The following VANGL1 variants were observed in gnomAD, a reference collection of about 807,000 sequenced individuals.
VANGL1 encodes vang-like protein 1.
In VANGL1, 18 loss-of-function variants were observed where a neutral mutation model predicts 48.4. That is an observed-to-expected ratio of 0.37 (90% CI 0.26 to 0.55). VANGL1 has a LOEUF of 0.55. VANGL1 is among the 20% of genes least tolerant of loss of function. VANGL1 has a pLI of 0.81. For synonymous variants in VANGL1, 257 were observed against 261.8 expected, an observed-to-expected ratio of 0.98 and a Z score of 0.18; for missense variants, 667 against 675.8, an observed-to-expected ratio of 0.99 and a Z score of 0.14.
At position 115,663,997 on chromosome 1, in the gene VANGL1, C is replaced by T. The variant is rs773796812; in HGVS notation, c.541C>T (p.Arg181Trp). 16 of 1,614,068 alleles carry T rather than the reference C, an allele frequency of 9.9e-6. No individual in the cohort carries two copies. In the African/African-American group the frequency reaches 1.5e-4, roughly 15 times the overall value. ...FFRKRRADMPRVFVFRALLLV... is the reference protein window; with the variant it reads ...FFRKRRADMPWVFVFRALLLV... Reference sequence around the variant, plus strand: ...CCGCAAGCGGAGAGCTGACATGCCACGGGTGTTTGTGTTTCGTGCCCTTTT... The same window carrying T: ...CCGCAAGCGGAGAGCTGACATGCCATGGGTGTTTGTGTTTCGTGCCCTTTT... Residue 181 changes from arginine to tryptophan, a missense_variant, in exon 4 of 8, where the codon CGG (arginine) becomes TGG (tryptophan). Physicochemically the swap from Arg to Trp is moderately radical, Grantham distance 101 (BLOSUM62 -3). Coordinates refer to ENST00000355485, the MANE Select transcript of VANGL1 (RefSeq NM_138959.3).
chr1:115,691,234 A>C lies in VANGL1; in HGVS notation c.1430A>C (p.Asp477Ala), dbSNP rs934620889. The C allele has an allele frequency of 1.2e-6, 2 of 1,614,110 alleles. No homozygotes were observed. Residue 477 changes from aspartate (D) to alanine (A), a missense_variant, in exon 8 of 8, where the codon GAT (aspartate) becomes GCT (alanine). Coordinates refer to ENST00000355485, the MANE Select transcript of VANGL1 (RefSeq NM_138959.3). ...SDEAVTNGLR[D>A]GIVFVLKCLD... The stretch of plus-strand genomic sequence containing the variant: ...GAGGCTGTGACTAATGGATTACGGG[A>C]TGGAATTGTGTTCGTCCTTAAGTGC...
chr1:115,651,019 C>T (rs1007931371), intron 1 of VANGL1, among the ~76,000 whole-genome samples: 8 of 152,014 alleles, frequency 5.3e-5, no homozygotes, highest in Non-Finnish European at 1.0e-4. Flanking sequence ...ATCCTGAGGA[C>T]GTGGACAAGT....
At chr1:115,659,417 C>G (rs1652461977) in intron 2 of VANGL1, among the ~76,000 whole-genome samples, 2 of 151,528 alleles carry the variant, frequency 1.3e-5, no homozygotes, top group Admixed American at 1.3e-4. Flanking sequence ...TGTTTTGGGT[C>G]TTGGGATGGC....
rs1030776670 is a variant in VANGL1 at position 115,692,332 on chromosome 1, G to C, written c.*953G>C. 2.0e-5 allele frequency: 3 copies of C among 152,712 alleles called. No individual in the cohort carries two copies. Among genetic ancestry groups the C allele is most frequent in the African/African-American group, 7.2e-5 (3 of 41,440 alleles). 9.5% of individuals were successfully genotyped at this position (152,712 alleles called of 1,614,324 possible). A position where few individuals can be genotyped will look rare whatever the true frequency, so the allele number is the denominator to read the frequency against. Reference sequence around the variant, plus strand: ...AGACTAACACTGTGACTCTGGGATTGGCAGGTGCAACTTGGAGCCACTTAA... The same window carrying C: ...AGACTAACACTGTGACTCTGGGATTCGCAGGTGCAACTTGGAGCCACTTAA... On this transcript the variant is annotated 3_prime_UTR_variant, in exon 8 of 8. Transcript: ENST00000355485.
In VANGL1 at chr1:115,691,560, C is replaced by A; in HGVS notation, c.*181C>A. On this transcript the variant is annotated 3_prime_UTR_variant, in exon 8 of 8. Coordinates refer to ENST00000355485, the MANE Select transcript of VANGL1 (RefSeq NM_138959.3). ...TTGGAAGGAAGCAGGGGCTGTCCACCCTGAAAAAGAGTGACTGATGACATC... is the reference window on the plus strand; with the variant it reads ...TTGGAAGGAAGCAGGGGCTGTCCACACTGAAAAAGAGTGACTGATGACATC... The A allele has an allele frequency of 1.5e-6, 1 of 671,506 alleles. No homozygotes were observed. The highest frequency in any genetic ancestry group is 2.4e-6 in the Non-Finnish European group (1 of 421,848). 41.6% of individuals were successfully genotyped at this position (671,506 alleles called of 1,614,324 possible). A position where few individuals can be genotyped will look rare whatever the true frequency, so the allele number is the denominator to read the frequency against.
chr1:115,685,344 T>C lies in VANGL1; in HGVS notation c.1131T>C (p.Ala377=). 2 of 1,614,166 alleles carry C rather than the reference T, an allele frequency of 1.2e-6. No homozygotes were observed. Among genetic ancestry groups the C allele is most frequent in the Non-Finnish European group, 1.7e-6 (2 of 1,180,008 alleles). Reference sequence around the variant, plus strand: ...TCATCCACATTCAGCGTCTCCAGGCTGAGGAGCAGCAGAAAGCCCCAGGGG... The same window carrying C: ...TCATCCACATTCAGCGTCTCCAGGCCGAGGAGCAGCAGAAAGCCCCAGGGG... The part of the protein sequence containing the change: ...EAFIHIQRLQ[A]EEQQKAPGEV... The change falls in exon 7 of 8, where the codon GCT becomes GCC. Residue 377 remains alanine, a synonymous_variant. Transcript: ENST00000355485.
intron 4 of VANGL1, among the ~76,000 whole-genome samples, chr1:115,678,344 G>C (rs987761877): frequency 1.3e-5 from 2 of 152,194 alleles, no homozygotes; most frequent in Non-Finnish European, 2.9e-5. Context: ...TGCTGGGCAC[G>C]GACAGTGGCG....
Position 115,651,260 on chromosome 1 carries a change from T to C in VANGL1, c.-137-17T>C. Reference sequence around the variant, plus strand: ...GCTCTGAAGATTAATGTCTTTTTTTTTCCCCCTCTTTCCCAGAATTTGTTC... The same window carrying C: ...GCTCTGAAGATTAATGTCTTTTTTTCTCCCCCTCTTTCCCAGAATTTGTTC... On this transcript the variant is annotated splice_polypyrimidine_tract_variant and intron_variant, in intron 1 of 7. Coordinates refer to ENST00000355485, the MANE Select transcript of VANGL1 (RefSeq NM_138959.3). The C allele has an allele frequency of 3.0e-6, 2 of 661,496 alleles. No homozygotes were observed. The highest frequency in any genetic ancestry group is 5.5e-5 in the East Asian group (2 of 36,596). 41.0% of individuals were successfully genotyped at this position (661,496 alleles called of 1,614,324 possible). A position where few individuals can be genotyped will look rare whatever the true frequency, so the allele number is the denominator to read the frequency against.
In VANGL1 at chr1:115,696,914, G is replaced by A. The variant is rs1218440457; in HGVS notation, c.*5535G>A. On this transcript the variant is annotated 3_prime_UTR_variant, in exon 8 of 8. Coordinates refer to ENST00000355485, the MANE Select transcript of VANGL1 (RefSeq NM_138959.3). ...TTGGGGACAAAGGTGACAAACCCCA[G>A]GCTTTTATCTTAAAAGTGTCTTTGG... 2 of 152,184 alleles carry A rather than the reference G, an allele frequency of 1.3e-5. No homozygotes were observed. Among genetic ancestry groups the A allele is most frequent in the African/African-American group, 4.8e-5 (2 of 41,438 alleles). 9.4% of individuals were successfully genotyped at this position (152,184 alleles called of 1,614,324 possible). A position where few individuals can be genotyped will look rare whatever the true frequency, so the allele number is the denominator to read the frequency against.
At position 115,664,188 on chromosome 1, in the gene VANGL1, G is replaced by A. The variant is rs761828824; in HGVS notation, c.732G>A (p.Arg244=). The A allele has an allele frequency of 2.5e-6, 4 of 1,614,042 alleles. No individual in the cohort carries two copies. The highest frequency in any genetic ancestry group is 3.4e-6 in the Non-Finnish European group (4 of 1,179,918). ...HYLAIVLLEL[R]QLQPMFTLQV... The stretch of plus-strand genomic sequence containing the variant: ...TGGCCATCGTCCTGCTGGAGCTCAG[G>A]CAGCTGCAGCCCATGTTCACGCTGC... The change falls in exon 4 of 8, where the codon AGG becomes AGA. Residue 244 remains arginine (R), a synonymous_variant. Transcript: ENST00000355485.
At chr1:115,645,498 C>G (rs1651880058) in intron 1 of VANGL1, among the ~76,000 whole-genome samples, 4 of 152,120 alleles carry the variant, frequency 2.6e-5, no homozygotes. Flanking sequence ...TCTGTTGTTA[C>G]AGTTAGGGAA....
rs554918855 is a variant in VANGL1 at position 115,653,633 on chromosome 1, G to A, written c.71+2149G>A. ...TTCACGCTTCGGGGCCCATTGCTACGCTCTGCTATTTCCTTAGGCCTCTTG... is the reference window on the plus strand; with the variant it reads ...TTCACGCTTCGGGGCCCATTGCTACACTCTGCTATTTCCTTAGGCCTCTTG... On this transcript the variant is annotated intron_variant, in intron 2 of 7. Coordinates refer to ENST00000355485, the MANE Select transcript of VANGL1 (RefSeq NM_138959.3). Among the ~76,000 whole-genome samples the A allele has an allele frequency of 4.1e-4, 62 of 152,196 alleles. 1 individual carries two copies. The highest frequency in any genetic ancestry group is 1.2e-3 in the African/African-American group (51 of 41,514).
intron 4 of VANGL1, among the ~76,000 whole-genome samples, chr1:115,665,496 G>C (rs1012190094): frequency 6.6e-6 from 1 of 152,236 alleles, no homozygotes; most frequent in East Asian, 1.9e-4. Context: ...CATAGATTTG[G>C]CTGGGCTCCA....
intron 2 of VANGL1, among the ~76,000 whole-genome samples, chr1:115,656,596 G>C (rs961704383): frequency 6.6e-6 from 1 of 152,274 alleles, no homozygotes; most frequent in Non-Finnish European, 1.5e-5. Context: ...GGGCTCTGGA[G>C]GATGAGAAAC....
At chr1:115,659,567 G>A in intron 2 of VANGL1, 74 bp from the exon 3 acceptor site, 1 of 1,547,934 alleles carries the variant, frequency 6.5e-7, no homozygotes, top group Non-Finnish European at 8.9e-7. Flanking sequence ...AATTCAAAAT[G>A]ATACTTACAT....
At chr1:115,654,772 T>G (rs1652282117) in intron 2 of VANGL1, among the ~76,000 whole-genome samples, 1 of 152,144 alleles carries the variant, frequency 6.6e-6, no homozygotes, top group South Asian at 2.1e-4. Context: ...GCCAGTTATG[T>G]TAACTGCTTT....
Position 115,685,352 on chromosome 1 carries a change from A to G in VANGL1, c.1139A>G (p.Gln380Arg). The stretch of plus-strand genomic sequence containing the variant: ...ATTCAGCGTCTCCAGGCTGAGGAGC[A>G]GCAGAAAGCCCCAGGGGAGGTGATG... Reference protein sequence around the residue: ...IHIQRLQAEEQQKAPGEVMDP... With the variant: ...IHIQRLQAEERQKAPGEVMDP... The change falls in exon 7 of 8, where the codon CAG becomes CGG. Residue 380 changes from glutamine to arginine, a missense_variant. Physicochemically the swap from Gln to Arg is conservative, Grantham distance 43. Coordinates refer to ENST00000355485, the MANE Select transcript of VANGL1 (RefSeq NM_138959.3). The G allele has an allele frequency of 3.1e-6, 5 of 1,614,162 alleles. No individual in the cohort carries two copies. Among genetic ancestry groups the G allele is most frequent in the Non-Finnish European group, 4.2e-6 (5 of 1,180,012 alleles).
chr1:115,659,793 T>TGTAA lies in VANGL1; in HGVS notation c.204+22_204+25dup. The stretch of plus-strand genomic sequence containing the variant: ...GTTCAGGTAAGGATCAAAGGTGGTC[T>TGTAA]GTAAGCACACTGCCACTTGGCCAAG... On this transcript the variant is annotated intron_variant, in intron 3 of 7. Coordinates refer to ENST00000355485, the MANE Select transcript of VANGL1 (RefSeq NM_138959.3). 3 of 1,614,136 alleles carry TGTAA rather than the reference T, an allele frequency of 1.9e-6. No individual in the cohort carries two copies. Among genetic ancestry groups the TGTAA allele is most frequent in the Non-Finnish European group, 2.5e-6 (3 of 1,180,014 alleles).
chr1:115,676,758 A>G (rs1217904730), intron 4 of VANGL1, among the ~76,000 whole-genome samples: 2 of 152,250 alleles, frequency 1.3e-5, no homozygotes, highest in African/African-American at 2.4e-5. Context: ...GACCTCAGCC[A>G]GCACCTGGTA....
Sources: gnomAD v4.1 joint callset for allele counts (sites outside exome capture counted in the v4.1 genomes callset) on GRCh38, gnomAD v4.1.1 for gene constraint, MANE v1.5 for transcripts, NCBI Gene and HGNC (gene_info 2026-07-23, HGNC 2026-07-21) for gene names.